The following HS6ST3 variants were observed in gnomAD, a reference collection of about 807,000 sequenced individuals.
HS6ST3 encodes the protein heparan sulfate 6-O-sulfotransferase 3.
A neutral mutation model predicts 36.7 loss-of-function variants in HS6ST3; 12 were observed. The observed-to-expected ratio is 0.33, with a 90% confidence interval of 0.21 to 0.53. The LOEUF is 0.53. HS6ST3 is among the 20% of genes least tolerant of loss of function. HS6ST3 has a pLI of 0.95. For missense variants in HS6ST3, 584 were observed against 640.9 expected, an observed-to-expected ratio of 0.91 and a Z score of 0.96; for synonymous variants, 240 against 257.5, an observed-to-expected ratio of 0.93 and a Z score of 0.65.
At chr13:96,247,026 A>G (rs2054587863) in intron 1 of HS6ST3, among the ~76,000 whole-genome samples, 1 of 152,178 alleles carries the variant, frequency 6.6e-6, no homozygotes, top group African/African-American at 2.4e-5. Context: ...AGAGATTTAG[A>G]TAGATTTTAG....
intron 1 of HS6ST3, among the ~76,000 whole-genome samples, chr13:96,445,389 A>C (rs1426085314): frequency 6.6e-6 from 1 of 152,132 alleles, no homozygotes; most frequent in South Asian, 2.1e-4. Context: ...TTATACTTAA[A>C]AAGTAGTTTG....
chr13:96,706,157 C>T (rs1328995999), intron 1 of HS6ST3, among the ~76,000 whole-genome samples: 1 of 151,858 alleles, frequency 6.6e-6, no homozygotes, highest in Non-Finnish European at 1.5e-5. Context: ...TTTTAAGATA[C>T]ATCTGTCCCC....
chr13:96,757,321 G>A (rs1876856849), intron 1 of HS6ST3, among the ~76,000 whole-genome samples: 3 of 152,178 alleles, frequency 2.0e-5, no homozygotes, highest in Non-Finnish European at 4.4e-5. Flanking sequence ...ACATAAGGAT[G>A]TGAACACCAG....
intron 1 of HS6ST3, among the ~76,000 whole-genome samples, chr13:96,761,109 T>A: frequency 6.6e-6 from 1 of 151,846 alleles, no homozygotes; most frequent in African/African-American, 2.4e-5. Context: ...ACGTGTTGAA[T>A]TTTTTTTCAC....
At chr13:96,168,850 G>A (rs371317792) in intron 1 of HS6ST3, among the ~76,000 whole-genome samples, 2 of 152,188 alleles carry the variant, frequency 1.3e-5, no homozygotes, top group South Asian at 2.1e-4. Flanking sequence ...TGAGGTTTGG[G>A]CTTCTACTGC....
At chr13:96,554,000 G>A (rs1464061090) in intron 1 of HS6ST3, among the ~76,000 whole-genome samples, 1 of 152,172 alleles carries the variant, frequency 6.6e-6, no homozygotes, top group Non-Finnish European at 1.5e-5. Flanking sequence ...GTGCATGTGT[G>A]TGCGCGTGCA....
chr13:96,379,877 A>C (rs1383819033), intron 1 of HS6ST3, among the ~76,000 whole-genome samples: 1 of 152,198 alleles, frequency 6.6e-6, no homozygotes, highest in Non-Finnish European at 1.5e-5. Context: ...GAATTGTGGC[A>C]ACAGCCTAGT....
chr13:96,713,387 T>C (rs1026564275), intron 1 of HS6ST3, among the ~76,000 whole-genome samples: 2 of 152,206 alleles, frequency 1.3e-5, no homozygotes, highest in African/African-American at 4.8e-5. Context: ...TTACCATTTA[T>C]CATATGACTG....
intron 1 of HS6ST3, among the ~76,000 whole-genome samples, chr13:96,830,828 A>T (rs902405843): frequency 6.6e-6 from 1 of 152,158 alleles, no homozygotes; most frequent in Non-Finnish European, 1.5e-5. Context: ...TCTACCCTAT[A>T]TTTCTGGAGC....
At chr13:96,574,536 C>A in intron 1 of HS6ST3, 1 of 323,502 alleles carries the variant, frequency 3.1e-6, no homozygotes, top group South Asian at 5.1e-5. Context: ...TCCCACTCCC[C>A]TGTGGGCACC....
intron 1 of HS6ST3, among the ~76,000 whole-genome samples, chr13:96,679,577 C>G (rs545992357): frequency 1.2e-3 from 187 of 152,244 alleles, no homozygotes; most frequent in Admixed American, 2.8e-3. Flanking sequence ...AGTAATTGCC[C>G]AATGCAGAGC....
At chr13:96,688,161 A>G (rs1010913215) in intron 1 of HS6ST3, among the ~76,000 whole-genome samples, 3 of 150,644 alleles carry the variant, frequency 2.0e-5, no homozygotes, top group East Asian at 1.9e-4. Flanking sequence ...TGGCACATGT[A>G]TACATATGTA....
intron 1 of HS6ST3, among the ~76,000 whole-genome samples, chr13:96,149,747 A>G (rs922323682): frequency 6.6e-5 from 10 of 152,254 alleles, no homozygotes; most frequent in African/African-American, 2.4e-4. Flanking sequence ...TCTATTTTAC[A>G]GCCAAAGGAT....
chr13:96,792,731 T>A (rs1877820714), intron 1 of HS6ST3, among the ~76,000 whole-genome samples: 1 of 152,052 alleles, frequency 6.6e-6, no homozygotes, highest in African/African-American at 2.4e-5. Flanking sequence ...AGTTTTCCTA[T>A]CTGAGTGAGC....
At chr13:96,301,937 A>G (rs1275745253) in intron 1 of HS6ST3, among the ~76,000 whole-genome samples, 2 of 146,634 alleles carry the variant, frequency 1.4e-5, no homozygotes, top group Non-Finnish European at 3.0e-5. Flanking sequence ...TAATAATAAT[A>G]ATAATAATTT....
chr13:96,763,794 T>C (rs1877028438), intron 1 of HS6ST3, among the ~76,000 whole-genome samples: 1 of 151,990 alleles, frequency 6.6e-6, no homozygotes, highest in East Asian at 1.9e-4. Flanking sequence ...ATATAATAAG[T>C]CCTATATGAA....
chr13:96,113,909 C>G (rs1396251780), intron 1 of HS6ST3, among the ~76,000 whole-genome samples: 7 of 152,022 alleles, frequency 4.6e-5, no homozygotes, highest in Non-Finnish European at 8.8e-5. Flanking sequence ...AATGGTTAAA[C>G]TATGGTACAA....
At chr13:96,614,307 A>C (rs973224568) in intron 1 of HS6ST3, among the ~76,000 whole-genome samples, 15 of 147,332 alleles carry the variant, frequency 1.0e-4, no homozygotes, top group South Asian at 4.3e-4. Context: ...CAAAAAAAAA[A>C]AAAAAAAAAA....
chr13:96,366,549 G>C lies in HS6ST3; in HGVS notation c.707+274980G>C, dbSNP rs1443802747. Among the ~76,000 whole-genome samples, 4 of 152,242 alleles carry C rather than the reference G, an allele frequency of 2.6e-5. No individual in the cohort carries two copies. In the East Asian group the frequency reaches 7.7e-4, roughly 29 times the overall value. ...CCATGCACAGAAATCTTTCTTTAGT[G>C]AGTCTAGGCTGGTGGTTCTCAATTT... On this transcript the variant is annotated intron_variant, in intron 1 of 1. Coordinates refer to ENST00000376705, the MANE Select transcript of HS6ST3 (RefSeq NM_153456.4).
Sources: allele counts gnomAD v4.1 joint callset (sites outside exome capture counted in the v4.1 genomes callset), GRCh38; gene constraint gnomAD v4.1.1; transcripts MANE v1.5; gene names NCBI Gene and HGNC (gene_info 2026-07-23, HGNC 2026-07-21).